Variants in DNM3 observed in about 807,000 individuals in gnomAD.
DNM3 encodes dynamin-3.
DNM3 carries 47 observed loss-of-function variants against 101.6 expected under a neutral mutation model. The observed-to-expected ratio is 0.46, with a 90% CI of 0.37 to 0.59. DNM3 has a LOEUF of 0.59. DNM3 is among the 20% of genes least tolerant of loss of function. The pLI is 0.00. For synonymous variants in DNM3, 385 were observed against 387.9 expected, an observed-to-expected ratio of 0.99 and a Z score of 0.09; for missense variants, 849 against 1,085.7, an observed-to-expected ratio of 0.78 and a Z score of 3.06.
At chr1:171,897,567 T>C (rs917490930) in intron 1 of DNM3, among the ~76,000 whole-genome samples, 6 of 152,172 alleles carry the variant, frequency 3.9e-5, no homozygotes, top group Non-Finnish European at 8.8e-5. Flanking sequence ...GGAAATGCTG[T>C]GGAGAATTGT....
At chr1:172,049,739 G>A (rs1267475633) in intron 10 of DNM3, among the ~76,000 whole-genome samples, 3 of 152,058 alleles carry the variant, frequency 2.0e-5, no homozygotes, top group Non-Finnish European at 4.4e-5. Flanking sequence ...TCCCTTTATA[G>A]ATGGTTACTA....
chr1:171,974,138 G>A (rs1040554151), intron 2 of DNM3, among the ~76,000 whole-genome samples: 18 of 152,064 alleles, frequency 1.2e-4, no homozygotes, highest in Non-Finnish European at 2.2e-4. Context: ...CAGATATTTT[G>A]GATAGACTTC....
At chr1:172,037,165 A>C (rs1036499617) in intron 6 of DNM3, among the ~76,000 whole-genome samples, 6 of 152,290 alleles carry the variant, frequency 3.9e-5, no homozygotes, top group East Asian at 1.9e-4. Flanking sequence ...GATGTGGAGA[A>C]ATAGGAACAC....
intron 1 of DNM3, among the ~76,000 whole-genome samples, chr1:171,880,223 T>C (rs1430193782): frequency 6.6e-6 from 1 of 152,234 alleles, no homozygotes; most frequent in Admixed American, 6.5e-5. Flanking sequence ...AATTTTCAGA[T>C]GTAAACCTTG....
At chr1:172,206,559 T>C (rs1381588431) in intron 14 of DNM3, among the ~76,000 whole-genome samples, 3 of 152,114 alleles carry the variant, frequency 2.0e-5, no homozygotes, top group Non-Finnish European at 4.4e-5. Flanking sequence ...GTACCTGGCA[T>C]TGAAGAACAC....
At chr1:172,327,257 A>G (rs2065974086) in intron 17 of DNM3, among the ~76,000 whole-genome samples, 1 of 152,192 alleles carries the variant, frequency 6.6e-6, no homozygotes, top group South Asian at 2.1e-4. Context: ...CATTCGTGGG[A>G]AAAGTGGTTA....
chr1:172,374,950 G>C (rs1370201085), intron 17 of DNM3, among the ~76,000 whole-genome samples: 1 of 151,962 alleles, frequency 6.6e-6, no homozygotes, highest in African/African-American at 2.4e-5. Flanking sequence ...AACTGAATGA[G>C]CTTTAAAAGT....
intron 17 of DNM3, among the ~76,000 whole-genome samples, chr1:172,366,273 C>A (rs574065060): frequency 1.3e-4 from 19 of 151,938 alleles, no homozygotes; most frequent in African/African-American, 4.3e-4. Flanking sequence ...GTATTCCTTG[C>A]TTTTGAAAAA....
intron 20 of DNM3, among the ~76,000 whole-genome samples, chr1:172,417,808 A>C (rs1360400367): frequency 2.0e-5 from 3 of 152,194 alleles, no homozygotes; most frequent in Admixed American, 2.0e-4. Flanking sequence ...CTTAAAAAAA[A>C]TTTAACCTGC....
intron 10 of DNM3, among the ~76,000 whole-genome samples, chr1:172,058,279 A>C (rs1478842963): frequency 2.0e-5 from 3 of 152,006 alleles, no homozygotes; most frequent in Non-Finnish European, 2.9e-5. Context: ...AACATTAGAC[A>C]GATCAACGAG....
chr1:172,414,068 G>A (rs762021311), downstream of DNM3, among the ~76,000 whole-genome samples: 2 of 152,152 alleles, frequency 1.3e-5, no homozygotes, highest in Non-Finnish European at 2.9e-5. Context: ...AATAGCTCTG[G>A]CATTGGTGTA....
intron 2 of DNM3, among the ~76,000 whole-genome samples, chr1:171,942,121 T>G (rs1445042445): frequency 6.6e-6 from 1 of 151,938 alleles, no homozygotes; most frequent in African/African-American, 2.4e-5. Flanking sequence ...CAAAGGTGGC[T>G]TGGGTATTTA....
At chr1:172,315,755 C>T (rs1267531965) in intron 16 of DNM3, among the ~76,000 whole-genome samples, 6 of 152,108 alleles carry the variant, frequency 3.9e-5, no homozygotes, top group Non-Finnish European at 4.4e-5. Context: ...ACCAAATCTG[C>T]GTCTGATTGG....
chr1:172,275,616 C>T (rs887700580), intron 15 of DNM3, among the ~76,000 whole-genome samples: 2 of 151,994 alleles, frequency 1.3e-5, no homozygotes, highest in African/African-American at 4.8e-5. Context: ...CATGGCTCAA[C>T]TGGTCTGACA....
chr1:171,902,757 G>A (rs1188037176), intron 1 of DNM3, among the ~76,000 whole-genome samples: 1 of 152,120 alleles, frequency 6.6e-6, no homozygotes, highest in Non-Finnish European at 1.5e-5. Flanking sequence ...TGTTTATCAA[G>A]GATTGGAAAT....
intron 1 of DNM3, among the ~76,000 whole-genome samples, chr1:171,902,903 A>G: frequency 6.6e-6 from 1 of 152,224 alleles, no homozygotes; most frequent in East Asian, 1.9e-4. Context: ...CTGTAATCCC[A>G]GCACTTTGGG....
At chr1:171,971,634 T>C (rs531206437) in intron 2 of DNM3, among the ~76,000 whole-genome samples, 1 of 152,220 alleles carries the variant, frequency 6.6e-6, no homozygotes, top group East Asian at 1.9e-4. Flanking sequence ...TAATCTGAAC[T>C]TTGTAACCTA....
chr1:172,018,751 T>C (rs2047620726), intron 4 of DNM3, among the ~76,000 whole-genome samples: 1 of 152,238 alleles, frequency 6.6e-6, no homozygotes, highest in African/African-American at 2.4e-5. Flanking sequence ...CAAACTGTTA[T>C]CTGTTAGATC....
At chr1:172,158,841 C>G (rs1017814697) in intron 14 of DNM3, among the ~76,000 whole-genome samples, 1 of 152,016 alleles carries the variant, frequency 6.6e-6, no homozygotes, top group African/African-American at 2.4e-5. Flanking sequence ...TAATACTCTA[C>G]TATGTGAGCT....
Sources: gnomAD v4.1 joint callset for allele counts (sites outside exome capture counted in the v4.1 genomes callset) on GRCh38, gnomAD v4.1.1 for gene constraint, MANE v1.5 for transcripts, NCBI Gene and HGNC (gene_info 2026-07-23, HGNC 2026-07-21) for gene names.